The following LCLAT1 variants were observed in gnomAD, a reference collection of about 807,000 sequenced individuals.
LCLAT1 encodes 1-AGP acyltransferase 8.
In LCLAT1, 11 loss-of-function variants were observed where a neutral mutation model predicts 30.7. That is an observed-to-expected ratio of 0.36 (90% CI 0.23 to 0.59). LCLAT1 has a LOEUF of 0.59. Among genes scored for constraint, LCLAT1 ranks in the 20% least tolerant of loss-of-function variants. The probability of loss-of-function intolerance (pLI) is 0.77; values close to 1 mark genes in which losing one functional copy is unlikely to be tolerated. For synonymous variants in LCLAT1, 155 were observed against 151.3 expected (o/e 1.02, Z -0.18); for missense variants, 402 against 458.6 (o/e 0.88, Z 1.13).
intron 5 of LCLAT1, among the ~76,000 whole-genome samples, chr2:30,600,589 CT>C (rs1292106283): frequency 1.4e-5 from 2 of 148,082 alleles, no homozygotes; most frequent in African/African-American, 2.5e-5. Context: ...GTTGGAAATT[CT>C]TTTCTTTAAG....
chr2:30,570,203 A>G (rs943480676), intron 5 of LCLAT1, among the ~76,000 whole-genome samples: 2 of 152,190 alleles, frequency 1.3e-5, no homozygotes, highest in Non-Finnish European at 2.9e-5. Context: ...CAACAACCAC[A>G]GTATGTAATT....
chr2:30,491,520 G>A (rs1417899871), intron 1 of LCLAT1, among the ~76,000 whole-genome samples: 1 of 152,100 alleles, frequency 6.6e-6, no homozygotes, highest in Non-Finnish European at 1.5e-5. Flanking sequence ...GTGTGGTATT[G>A]CCTCATTAAA....
chr2:30,608,581 C>T (rs1435164299), intron 5 of LCLAT1, among the ~76,000 whole-genome samples: 1 of 151,900 alleles, frequency 6.6e-6, no homozygotes, highest in Non-Finnish European at 1.5e-5. Context: ...TTTACCATAC[C>T]TTTTCTATGT....
intron 5 of LCLAT1, among the ~76,000 whole-genome samples, chr2:30,589,295 G>C (rs533994082): frequency 6.6e-6 from 1 of 152,288 alleles, no homozygotes; most frequent in East Asian, 1.9e-4. Flanking sequence ...TTTGGTAGGG[G>C]AGTTGTATAT....
chr2:30,622,752 G>A (rs139065236), intron 5 of LCLAT1, among the ~76,000 whole-genome samples: 1 of 152,114 alleles, frequency 6.6e-6, no homozygotes, highest in Non-Finnish European at 1.5e-5. Flanking sequence ...CTAGGGGAAG[G>A]GGGAGAGCAC....
At chr2:30,502,522 TC>T in intron 1 of LCLAT1, among the ~76,000 whole-genome samples, 1 of 152,264 alleles carries the variant, frequency 6.6e-6, no homozygotes, top group African/African-American at 2.4e-5. Flanking sequence ...CACCTCACAT[TC>T]CCACTGTCCC....
At position 30,559,968 on chromosome 2, in the gene LCLAT1, A is replaced by G. The variant is rs558077088; in HGVS notation, c.365-2178A>G. ...TCTCATCAATCCCCCTCAGGTAGAT[A>G]CTGTTGCATTGTGCTCATTTTATAT... On this transcript the variant is annotated intron_variant, in intron 3 of 5. Coordinates refer to ENST00000379509, the MANE Select transcript of LCLAT1 (RefSeq NM_001002257.3). Among the ~76,000 whole-genome samples, 62 of 152,344 alleles carry G rather than the reference A, an allele frequency of 4.1e-4. No homozygotes were observed. In the South Asian group the frequency reaches 9.1e-3, roughly 22 times the overall value.
At chr2:30,511,202 T>G (rs1444015725) in intron 1 of LCLAT1, among the ~76,000 whole-genome samples, 1 of 152,176 alleles carries the variant, frequency 6.6e-6, no homozygotes, top group Non-Finnish European at 1.5e-5. Flanking sequence ...GTGGGCTGTT[T>G]ATTAGGGAAT....
chr2:30,499,635 T>C (rs1226733590), intron 1 of LCLAT1, among the ~76,000 whole-genome samples: 1 of 152,244 alleles, frequency 6.6e-6, no homozygotes, highest in Non-Finnish European at 1.5e-5. Flanking sequence ...ATAGGCAATG[T>C]GGCTTTTAGA....
intron 5 of LCLAT1, among the ~76,000 whole-genome samples, chr2:30,624,508 T>TA (rs1287689992): frequency 6.6e-6 from 1 of 152,096 alleles, no homozygotes; most frequent in Non-Finnish European, 1.5e-5. Flanking sequence ...CAACAGCAGT[T>TA]AAAAAAGACA....
At chr2:30,620,060 CAATT>C (rs971131558) in intron 5 of LCLAT1, among the ~76,000 whole-genome samples, 1 of 152,146 alleles carries the variant, frequency 6.6e-6, no homozygotes, top group Non-Finnish European at 1.5e-5. Flanking sequence ...AGGATAATCT[CAATT>C]AATCCTCCCC....
intron 1 of LCLAT1, among the ~76,000 whole-genome samples, chr2:30,499,777 C>T (rs777060717): frequency 3.3e-5 from 5 of 152,158 alleles, no homozygotes; most frequent in Non-Finnish European, 5.9e-5. Context: ...CCTGCAAGTA[C>T]CAATTGCCTT....
intron 1 of LCLAT1, among the ~76,000 whole-genome samples, chr2:30,516,906 A>G (rs1252643): frequency 0.22 from 34,000 of 152,116 alleles, 3,893 homozygotes; most frequent in East Asian, 0.35. Flanking sequence ...CCCCCATCTG[A>G]GTTGGGAGCA....
rs80279507 is a variant in LCLAT1, at chr2:30,540,576, A to G, written c.364+7262A>G. On this transcript the variant is annotated intron_variant, in intron 3 of 5. Coordinates refer to ENST00000379509, the MANE Select transcript of LCLAT1 (RefSeq NM_001002257.3). ...GCTGTTTCATTACACTCTCAAAAAC[A>G]TGGTGCTATGAAATACCTGGGTCTT... Among the ~76,000 whole-genome samples, 1,464 of 152,276 alleles carry G rather than the reference A, an allele frequency of 9.6e-3. 21 individuals carry two copies. The highest frequency in any genetic ancestry group is 0.033 in the African/African-American group (1,365 of 41,544).
chr2:30,589,390 G>A (rs1263289996), intron 5 of LCLAT1, among the ~76,000 whole-genome samples: 3 of 151,894 alleles, frequency 2.0e-5, no homozygotes, highest in African/African-American at 7.3e-5. Context: ...TCAGTTGGAT[G>A]AATTGAGAAA....
intron 1 of LCLAT1, among the ~76,000 whole-genome samples, chr2:30,482,902 G>A (rs144102034): frequency 0.014 from 2,151 of 152,178 alleles, 27 homozygotes; most frequent in Non-Finnish European, 0.021. Flanking sequence ...TCCAGTCTCA[G>A]CTTTTTAGAA....
chr2:30,448,954 G>C (rs1681405510), intron 1 of LCLAT1, among the ~76,000 whole-genome samples: 1 of 152,218 alleles, frequency 6.6e-6, no homozygotes, highest in Non-Finnish European at 1.5e-5. Context: ...TAAAAAAACA[G>C]TGAAAATATT....
intron 1 of LCLAT1, among the ~76,000 whole-genome samples, chr2:30,480,427 T>TCA (rs1683261610): frequency 6.6e-6 from 1 of 152,170 alleles, no homozygotes; most frequent in African/African-American, 2.4e-5. Context: ...ACTTCTGAGT[T>TCA]CAAGTAATCT....
intron 1 of LCLAT1, among the ~76,000 whole-genome samples, chr2:30,517,191 AC>A (rs1223079915): frequency 6.6e-6 from 1 of 152,168 alleles, no homozygotes; most frequent in Non-Finnish European, 1.5e-5. Flanking sequence ...CCTCCTAGGT[AC>A]TAATGCTTCA....
Sources: gnomAD v4.1 joint callset for allele counts (sites outside exome capture counted in the v4.1 genomes callset) on GRCh38, gnomAD v4.1.1 for gene constraint, MANE v1.5 for transcripts, NCBI Gene and HGNC (gene_info 2026-07-23, HGNC 2026-07-21) for gene names.